MAST4: variants seen among roughly 807,000 people sequenced by gnomAD.
MAST4 encodes microtubule associated serine/threonine kinase family member 4.
MAST4 carries 89 observed loss-of-function variants against 162.7 expected under a neutral mutation model. The observed-to-expected ratio is 0.55, with a 90% confidence interval of 0.46 to 0.65. MAST4 has a LOEUF of 0.65. MAST4 is among the 30% of genes least tolerant of loss of function. MAST4 has a pLI of 0.00. For missense variants in MAST4, 3,153 were observed against 3,374.0 expected (o/e 0.93, Z 1.62); for synonymous variants, 1,479 against 1,361.1 (o/e 1.09, Z -1.91).
At chr5:66,763,303 T>A (rs1753936276) in intron 2 of MAST4, among the ~76,000 whole-genome samples, 1 of 152,182 alleles carries the variant, frequency 6.6e-6, no homozygotes, top group Non-Finnish European at 1.5e-5. Flanking sequence ...AATTTGTGGT[T>A]GGCTCAATCT....
intron 2 of MAST4, among the ~76,000 whole-genome samples, chr5:66,771,834 GCTTTTTAGTTTTGT>G (rs1754373247): frequency 6.7e-6 from 1 of 150,158 alleles, no homozygotes; most frequent in African/African-American, 2.5e-5. Context: ...TCTTTCTACT[GCTTTTTAGTTTTGT>G]CTTTTTAGTA....
At chr5:67,009,120 A>G (rs990152145) in intron 4 of MAST4, among the ~76,000 whole-genome samples, 3 of 152,198 alleles carry the variant, frequency 2.0e-5, no homozygotes, top group African/African-American at 7.2e-5. Flanking sequence ...CATGCTTTCA[A>G]TGAAGACAAG....
chr5:66,648,959 C>T (rs1746041274), intron 1 of MAST4, among the ~76,000 whole-genome samples: 1 of 151,982 alleles, frequency 6.6e-6, no homozygotes, highest in South Asian at 2.1e-4. Context: ...TTTCATTTTT[C>T]TACTTAGAGT....
Position 66,850,785 on chromosome 5 carries a change from G to A in MAST4, c.643-49166G>A, listed in dbSNP as rs570653081. On this transcript the variant is annotated intron_variant, in intron 3 of 28. Transcript: ENST00000403625. ...ATTTTGGAGAAGGATTACTTAACCT[G>A]TATACTTTTTTTAAAAAAAGGAACT... Among the ~76,000 whole-genome samples, 31 of 152,102 alleles carry A rather than the reference G, an allele frequency of 2.0e-4. 1 individual carries two copies. In the South Asian group the frequency reaches 6.0e-3, roughly 30 times the overall value.
intron 1 of MAST4, among the ~76,000 whole-genome samples, chr5:66,668,553 G>A (rs111731335): frequency 6.6e-6 from 1 of 152,200 alleles, no homozygotes; most frequent in Non-Finnish European, 1.5e-5. Flanking sequence ...ACGTATCCTA[G>A]TTAGATTTCC....
chr5:66,834,317 G>A (rs1460273971), intron 3 of MAST4, among the ~76,000 whole-genome samples: 2 of 152,140 alleles, frequency 1.3e-5, no homozygotes, highest in African/African-American at 2.4e-5. Context: ...ACCCGGAGAC[G>A]CGAAGACGTG....
At chr5:66,655,954 ATATT>A (rs1746515565) in intron 1 of MAST4, among the ~76,000 whole-genome samples, 1 of 152,212 alleles carries the variant, frequency 6.6e-6, no homozygotes, top group Non-Finnish European at 1.5e-5. Flanking sequence ...AACTTGGAAA[ATATT>A]TATTGAAAAT....
At chr5:67,125,052 A>G (rs10075832) in intron 14 of MAST4, among the ~76,000 whole-genome samples, 8,134 of 152,232 alleles carry the variant, frequency 0.053, 275 homozygotes, top group East Asian at 0.1. Context: ...AATTCATAAT[A>G]TACGTCCAAG....
chr5:66,936,926 C>T (rs1742809629), intron 4 of MAST4, among the ~76,000 whole-genome samples: 1 of 152,160 alleles, frequency 6.6e-6, no homozygotes, highest in African/African-American at 2.4e-5. Flanking sequence ...CCTTATTACT[C>T]AGCCCTTTCT....
chr5:67,034,342 G>A (rs1016249147), intron 4 of MAST4, among the ~76,000 whole-genome samples: 6 of 152,130 alleles, frequency 3.9e-5, no homozygotes, highest in African/African-American at 1.2e-4. Context: ...GGAAATGGAC[G>A]GGATCCATGT....
At chr5:67,074,795 C>G (rs1761414004) in intron 5 of MAST4, among the ~76,000 whole-genome samples, 2 of 152,162 alleles carry the variant, frequency 1.3e-5, no homozygotes, top group African/African-American at 4.8e-5. Flanking sequence ...TTATCGATTT[C>G]ATTTTTATAC....
chr5:66,742,686 C>T (rs1287506545), intron 1 of MAST4, among the ~76,000 whole-genome samples: 1 of 152,142 alleles, frequency 6.6e-6, no homozygotes, highest in Admixed American at 6.5e-5. Flanking sequence ...AAATCTTTTC[C>T]TTTCCTGATT....
At chr5:67,084,153 T>C (rs890825006) in intron 5 of MAST4, among the ~76,000 whole-genome samples, 1 of 152,340 alleles carries the variant, frequency 6.6e-6, no homozygotes, top group South Asian at 2.1e-4. Context: ...TGACCTCTTA[T>C]TGGGTCTCTC....
At chr5:66,861,328 T>G (rs2149839571) in intron 3 of MAST4, among the ~76,000 whole-genome samples, 1 of 152,388 alleles carries the variant, frequency 6.6e-6, no homozygotes, top group East Asian at 1.9e-4. Context: ...CAGCAGGTGC[T>G]GAGAGCCTTC....
intron 3 of MAST4, among the ~76,000 whole-genome samples, chr5:66,866,480 G>A (rs559572689): frequency 6.6e-6 from 1 of 152,260 alleles, no homozygotes; most frequent in African/African-American, 2.4e-5. Flanking sequence ...CTTGATAATG[G>A]TTAAATCTCC....
chr5:67,147,561 G>T (rs966044537), intron 23 of MAST4, among the ~76,000 whole-genome samples: 1 of 152,166 alleles, frequency 6.6e-6, no homozygotes. Flanking sequence ...AAAAATAAAC[G>T]TCTTGAAGTC....
intron 1 of MAST4, among the ~76,000 whole-genome samples, chr5:66,625,464 A>C (rs1744362968): frequency 6.6e-6 from 1 of 152,228 alleles, no homozygotes. Context: ...TAACATCCAA[A>C]ATATATGAAG....
At chr5:67,056,164 A>T (rs1758789913) in intron 5 of MAST4, among the ~76,000 whole-genome samples, 1 of 152,030 alleles carries the variant, frequency 6.6e-6, no homozygotes, top group East Asian at 1.9e-4. Flanking sequence ...TACCTCTGAG[A>T]GGGCATGAGA....
chr5:67,026,360 A>G (rs571956667), intron 4 of MAST4, among the ~76,000 whole-genome samples: 24 of 152,334 alleles, frequency 1.6e-4, no homozygotes, highest in African/African-American at 5.3e-4. Flanking sequence ...TTTCTAATGG[A>G]GAGGAGCATT....
Sources: allele counts gnomAD v4.1 joint callset (sites outside exome capture counted in the v4.1 genomes callset), GRCh38; gene constraint gnomAD v4.1.1; transcripts MANE v1.5; gene names NCBI Gene and HGNC (gene_info 2026-07-23, HGNC 2026-07-21).